Variants in GPC6 observed in about 807,000 individuals in gnomAD.
GPC6 encodes the protein glypican-6.
GPC6 carries 14 observed loss-of-function variants against 55.2 expected under a neutral mutation model. The ratio of observed to expected loss-of-function variants is 0.25; its 90% CI spans 0.17 to 0.40. GPC6 has a LOEUF of 0.40. Ranked by LOEUF, GPC6 falls within the 10% of genes least tolerant of loss-of-function variation. The probability of loss-of-function intolerance (pLI) is 1.00; values close to 1 mark genes in which losing one functional copy is unlikely to be tolerated. For missense variants in GPC6, 641 were observed against 708.5 expected (o/e 0.90, Z 1.08); for synonymous variants, 278 against 259.6 (o/e 1.07, Z -0.68).
chr13:93,389,258 G>A (rs971191121), intron 1 of GPC6, among the ~76,000 whole-genome samples: 30 of 152,016 alleles, frequency 2.0e-4, no homozygotes, highest in African/African-American at 7.2e-4. Context: ...AGCACTTTGG[G>A]AAGGCGAGAC....
Position 93,936,747 on chromosome 13 carries a change from A to G in GPC6, c.712-90982A>G, listed in dbSNP as rs118140643. Among the ~76,000 whole-genome samples the G allele has an allele frequency of 2.0e-3, 298 of 152,298 alleles. 2 individuals are homozygous for G. The highest frequency in any genetic ancestry group is 3.0e-3 in the Non-Finnish European group (202 of 68,024). On this transcript the variant is annotated intron_variant, in intron 3 of 8. Transcript: ENST00000377047. ...ACTCGTAAGAAAAAATGAGAGACCT[A>G]CTCAGAAATCTCATTCAATGCAAAC... is the stretch of plus-strand genomic sequence containing the variant.
At chr13:93,281,827 C>T (rs998777799) in intron 1 of GPC6, among the ~76,000 whole-genome samples, 3 of 148,216 alleles carry the variant, frequency 2.0e-5, no homozygotes, top group African/African-American at 7.9e-5. Context: ...AAAAACAAAA[C>T]AAAAAAGAAA....
intron 6 of GPC6, among the ~76,000 whole-genome samples, chr13:94,357,240 A>T (rs80311478): frequency 0.055 from 8,429 of 152,202 alleles, 751 homozygotes; most frequent in African/African-American, 0.19. Context: ...TTTCAGTTGC[A>T]CCAAACTAAC....
intron 1 of GPC6, among the ~76,000 whole-genome samples, chr13:93,389,193 C>G (rs965606514): frequency 6.6e-6 from 1 of 151,934 alleles, no homozygotes; most frequent in Non-Finnish European, 1.5e-5. Context: ...TAGAAATACT[C>G]GTGACTGAAT....
chr13:93,904,898 G>A lies in GPC6; in HGVS notation c.711+74353G>A, dbSNP rs191045423. On this transcript the variant is annotated intron_variant, in intron 3 of 8. Coordinates refer to ENST00000377047, the MANE Select transcript of GPC6 (RefSeq NM_005708.5). The stretch of plus-strand genomic sequence containing the variant: ...CCACTAACTCGTCATCTAGCATTAG[G>A]TATATCTCCCAATGCTATCCCTTCC... 4.5e-3 allele frequency among the ~76,000 whole-genome samples: 684 copies of A among 151,650 alleles called. 7 individuals are homozygous for A. Among genetic ancestry groups the A allele is most frequent in the African/African-American group, 0.016 (655 of 41,308 alleles).
intron 4 of GPC6, among the ~76,000 whole-genome samples, chr13:94,211,373 C>T (rs550822481): frequency 6.6e-6 from 1 of 152,096 alleles, no homozygotes; most frequent in South Asian, 2.1e-4. Flanking sequence ...AACTTTTCAA[C>T]TTTGACTCCA....
chr13:94,012,606 G>C (rs565851866), intron 3 of GPC6, among the ~76,000 whole-genome samples: 1 of 152,180 alleles, frequency 6.6e-6, no homozygotes, highest in South Asian at 2.1e-4. Flanking sequence ...TGTTGTGTCC[G>C]TGCATGTTCC....
At chr13:93,217,249 G>C in the GPC6 span, among the ~76,000 whole-genome samples, 1 of 152,188 alleles carries the variant, frequency 6.6e-6, no homozygotes, top group Non-Finnish European at 1.5e-5. Flanking sequence ...AATAGTTTAA[G>C]TTCTTTCATG....
intron 2 of GPC6, among the ~76,000 whole-genome samples, chr13:93,680,666 C>G (rs1211425481): frequency 4.6e-5 from 7 of 152,042 alleles, no homozygotes; most frequent in African/African-American, 1.7e-4. Flanking sequence ...CTTATATGGT[C>G]CAGTCTGGTC....
chr13:94,389,567 C>T (rs562200247), intron 7 of GPC6, among the ~76,000 whole-genome samples: 2 of 152,246 alleles, frequency 1.3e-5, no homozygotes, highest in African/African-American at 4.8e-5. Context: ...CCATGTTAAA[C>T]TGCATCACCT....
chr13:93,977,966 G>C (rs77067058), intron 3 of GPC6, among the ~76,000 whole-genome samples: 1,587 of 152,282 alleles, frequency 0.01, 22 homozygotes, highest in African/African-American at 0.036. Context: ...TTATGCTGAA[G>C]AGAAATCGCC....
intron 1 of GPC6, among the ~76,000 whole-genome samples, chr13:93,332,984 T>C (rs1303110719): frequency 2.0e-5 from 3 of 152,198 alleles, no homozygotes; most frequent in African/African-American, 7.2e-5. Context: ...ATTTTCTTAA[T>C]GCATTTGTTG....
chr13:93,396,681 T>G (rs1410302825), intron 1 of GPC6, among the ~76,000 whole-genome samples: 1 of 152,116 alleles, frequency 6.6e-6, no homozygotes, highest in African/African-American at 2.4e-5. Context: ...AATGGTAAAG[T>G]TACCTCATCT....
intron 4 of GPC6, among the ~76,000 whole-genome samples, chr13:94,116,120 A>G (rs1886421368): frequency 6.6e-6 from 1 of 152,158 alleles, no homozygotes; most frequent in Non-Finnish European, 1.5e-5. Context: ...TAATTTAGTT[A>G]TAAATTAGAC....
chr13:93,691,476 A>AT (rs1218780846), intron 2 of GPC6, among the ~76,000 whole-genome samples: 2 of 70,334 alleles, frequency 2.8e-5, no homozygotes, highest in African/African-American at 6.2e-5. Context: ...AAGGCTTGCC[A>AT]TGGTTTTTTT....
intron 1 of GPC6, among the ~76,000 whole-genome samples, chr13:93,318,142 G>T (rs1879306251): frequency 6.6e-6 from 1 of 152,134 alleles, no homozygotes; most frequent in Non-Finnish European, 1.5e-5. Flanking sequence ...TTAGTGTCTT[G>T]TATCTAGAAA....
At chr13:94,201,145 C>T (rs1889734754) in intron 4 of GPC6, among the ~76,000 whole-genome samples, 1 of 152,182 alleles carries the variant, frequency 6.6e-6, no homozygotes, top group South Asian at 2.1e-4. Context: ...AATGTTCTGG[C>T]TTTGGGTTTT....
intron 6 of GPC6, among the ~76,000 whole-genome samples, chr13:94,375,500 A>G (rs1879805289): frequency 6.6e-6 from 1 of 152,196 alleles, no homozygotes; most frequent in African/African-American, 2.4e-5. Flanking sequence ...TAAACCAGGA[A>G]GAAATTGAAT....
intron 4 of GPC6, among the ~76,000 whole-genome samples, chr13:94,101,070 C>T (rs1176840540): frequency 6.6e-6 from 1 of 152,236 alleles, no homozygotes; most frequent in Non-Finnish European, 1.5e-5. Context: ...ATCTGGGTCT[C>T]ACTTCTCTCA....
Sources: allele counts gnomAD v4.1 joint callset (sites outside exome capture counted in the v4.1 genomes callset), GRCh38; gene constraint gnomAD v4.1.1; transcripts MANE v1.5; gene names NCBI Gene and HGNC (gene_info 2026-07-23, HGNC 2026-07-21).